THAP2: variants seen among roughly 807,000 people sequenced by gnomAD.
The protein encoded by THAP2 is THAP domain-containing protein 2.
Under a neutral mutation model 18.8 loss-of-function variants are expected in THAP2, and 16 were observed. The ratio of observed to expected loss-of-function variants is 0.85; its 90% CI spans 0.58 to 1.29. The LOEUF (loss-of-function observed/expected upper bound fraction) is 1.29, where lower values mean the gene tolerates loss of function less well. THAP2 is among the 50% of genes most tolerant of loss of function. THAP2 has a pLI of 0.00. For missense variants in THAP2, 251 were observed against 265.3 expected (o/e 0.95, Z 0.38); for synonymous variants, 80 against 89.2 (o/e 0.90, Z 0.58).
In THAP2 at chr12:71,674,352, A is replaced by G; in HGVS notation, c.221A>G (p.Asp74Gly). 6.2e-7 allele frequency: 1 copy of G among 1,612,488 alleles called. No individual in the cohort carries two copies. Among genetic ancestry groups the G allele is most frequent in the Non-Finnish European group, 8.5e-7 (1 of 1,178,846 alleles). Residue 74 changes from aspartate (D) to glycine (G), a missense_variant, in exon 2 of 3, where the codon GAT becomes GGT. Asp to Gly is a moderately conservative substitution (Grantham distance 94). Transcript: ENST00000308086. Reference sequence around the variant, plus strand: ...GGACAAACTCGACGACTTAAAATGGATGCTGTTCCAACCATTTTTGATTTT... The same window carrying G: ...GGACAAACTCGACGACTTAAAATGGGTGCTGTTCCAACCATTTTTGATTTT... Reference protein sequence around the residue: ...LTGQTRRLKMDAVPTIFDFCT... With the variant: ...LTGQTRRLKMGAVPTIFDFCT...
rs1169239825 is a variant in THAP2 at position 71,678,709 on chromosome 12, T to C, written c.*1601T>C. The C allele has an allele frequency of 2.0e-5, 3 of 152,208 alleles. No individual in the cohort carries two copies. Among genetic ancestry groups the C allele is most frequent in the African/African-American group, 4.8e-5 (2 of 41,466 alleles). The allele number at this position is 152,208 out of a possible 1,614,324, so 9.4% of individuals were successfully genotyped here. A position where few individuals can be genotyped will look rare whatever the true frequency, so the allele number is the denominator to read the frequency against. ...TTTGCTATTTAGGATTGCATTTGCT[T>C]GGCTCCTAGTAACAATTCTTTTACA... On this transcript the variant is annotated 3_prime_UTR_variant, in exon 3 of 3. Coordinates refer to ENST00000308086, the MANE Select transcript of THAP2 (RefSeq NM_031435.4).
rs1881485821 is a variant in THAP2, at chr12:71,674,199, T to TA, written c.72-2dup. 6.4e-7 allele frequency: 1 copy of TA among 1,557,626 alleles called. No individual in the cohort carries two copies. The highest frequency in any genetic ancestry group is 8.7e-7 in the Non-Finnish European group (1 of 1,155,372). On this transcript the variant is annotated splice_region_variant and splice_polypyrimidine_tract_variant and intron_variant, in intron 1 of 2. Coordinates refer to ENST00000308086, the MANE Select transcript of THAP2 (RefSeq NM_031435.4). ...AATTTGAGTTGCATTTTTTTTTTTTTAAGGTTTCCTTTGGATCCTAAAAGA... is the reference window on the plus strand; with the variant it reads ...AATTTGAGTTGCATTTTTTTTTTTTTAAAGGTTTCCTTTGGATCCTAAAAGA...
intron 1 of THAP2, among the ~76,000 whole-genome samples, chr12:71,669,489 G>A (rs537740482): frequency 1.3e-5 from 2 of 152,224 alleles, no homozygotes; most frequent in East Asian, 1.9e-4. Flanking sequence ...TACAATGATA[G>A]TACTTATTCT....
intron 1 of THAP2, chr12:71,667,940 G>C (rs1192485077): frequency 6.6e-6 from 1 of 152,050 alleles, no homozygotes; most frequent in Non-Finnish European, 1.5e-5. Flanking sequence ...GAAATTTGGG[G>C]GTTTTGGTAT....
rs181633467 is a variant in THAP2 at position 71,666,283 on chromosome 12, G to C, written c.71+1703G>C. Among the ~76,000 whole-genome samples the C allele has an allele frequency of 1.0e-3, 152 of 152,204 alleles. 1 individual carries two copies. Among genetic ancestry groups the C allele is most frequent in the African/African-American group, 3.6e-3 (150 of 41,522 alleles). ...CCAGCACTTCGAGAGGCCAGGGCGG[G>C]CTGATCACTTGAGCCCAGGAGTTTG... On this transcript the variant is annotated intron_variant, in intron 1 of 2. Coordinates refer to ENST00000308086, the MANE Select transcript of THAP2 (RefSeq NM_031435.4).
chr12:71,671,262 G>T (rs139804344), intron 1 of THAP2, among the ~76,000 whole-genome samples: 1 of 152,192 alleles, frequency 6.6e-6, no homozygotes, highest in Non-Finnish European at 1.5e-5. Flanking sequence ...TATTATAGAA[G>T]GGTCCATGTC....
At chr12:71,666,894 G>A (rs1231311793) in intron 1 of THAP2, among the ~76,000 whole-genome samples, 1 of 151,908 alleles carries the variant, frequency 6.6e-6, no homozygotes, top group African/African-American at 2.4e-5. Context: ...CCACATGCCT[G>A]GCTAATTTTT....
intron 1 of THAP2, among the ~76,000 whole-genome samples, chr12:71,671,115 G>C (rs2137579110): frequency 6.6e-6 from 1 of 152,082 alleles, no homozygotes; most frequent in Admixed American, 6.6e-5. Flanking sequence ...TGGAAGGGGA[G>C]GCAGGAAAGG....
At chr12:71,675,636 A>G (rs1881508493) in intron 2 of THAP2, among the ~76,000 whole-genome samples, 1 of 152,088 alleles carries the variant, frequency 6.6e-6, no homozygotes, top group Non-Finnish European at 1.5e-5. Context: ...GTGTTTCAAT[A>G]AATGTTTAAT....
intron 1 of THAP2, among the ~76,000 whole-genome samples, chr12:71,666,115 T>C (rs1009964293): frequency 4.6e-5 from 7 of 151,474 alleles, no homozygotes; most frequent in African/African-American, 1.7e-4. Context: ...GATATTAGAG[T>C]AGAAATGGAG....
chr12:71,665,998 C>T (rs1448477289), intron 1 of THAP2, among the ~76,000 whole-genome samples: 1 of 152,080 alleles, frequency 6.6e-6, no homozygotes, highest in African/African-American at 2.4e-5. Flanking sequence ...CAGTTGCTGG[C>T]ACAATCAGCA....
At chr12:71,671,539 T>C (rs1292033897) in intron 1 of THAP2, among the ~76,000 whole-genome samples, 2 of 152,236 alleles carry the variant, frequency 1.3e-5, no homozygotes, top group Non-Finnish European at 1.5e-5. Flanking sequence ...TGATTTCCCT[T>C]ATCAGCTCTG....
chr12:71,664,845 T>C, intron 1 of THAP2: 1 of 702,946 alleles, frequency 1.4e-6, no homozygotes, highest in Non-Finnish European at 2.6e-6. Flanking sequence ...ATCGTAATTT[T>C]CTACTGTTTT....
Position 71,674,416 on chromosome 12 carries a change from C to A in THAP2, c.267+18C>A, listed in dbSNP as rs1360085711. 1.8e-5 allele frequency: 28 copies of A among 1,546,438 alleles called. No individual in the cohort carries two copies. The highest frequency in any genetic ancestry group is 2.4e-5 in the Non-Finnish European group (27 of 1,140,912). On this transcript the variant is annotated intron_variant, in intron 2 of 2. Coordinates refer to ENST00000308086, the MANE Select transcript of THAP2 (RefSeq NM_031435.4). Reference sequence around the variant, plus strand: ...AGTCTATGGTAGGTAATGTTACTCTCCTTTTGTTAAAACCATTTTTAGAAC... The same window carrying A: ...AGTCTATGGTAGGTAATGTTACTCTACTTTTGTTAAAACCATTTTTAGAAC...
chr12:71,674,354 G>T lies in THAP2; in HGVS notation c.223G>T (p.Ala75Ser), dbSNP rs746866683. The T allele has an allele frequency of 6.2e-7, 1 of 1,612,226 alleles. No homozygotes were observed. The highest frequency in any genetic ancestry group is 1.1e-5 in the South Asian group (1 of 90,916). ...ACAAACTCGACGACTTAAAATGGAT[G>T]CTGTTCCAACCATTTTTGATTTTTG... Reference protein sequence around the residue: ...TGQTRRLKMDAVPTIFDFCTH... With the variant: ...TGQTRRLKMDSVPTIFDFCTH... Residue 75 changes from alanine to serine, a missense_variant, in exon 2 of 3, where the codon GCT becomes TCT. Ala to Ser is a moderately conservative substitution (Grantham distance 99, BLOSUM62 1). Coordinates refer to ENST00000308086, the MANE Select transcript of THAP2 (RefSeq NM_031435.4).
Position 71,674,185 on chromosome 12 carries a change from C to CA in THAP2, c.72-17dup, listed in dbSNP as rs1881485414. ...ATTATGATAGTTGGAATTTGAGTTG[C>CA]ATTTTTTTTTTTTTAAGGTTTCCTT... On this transcript the variant is annotated splice_polypyrimidine_tract_variant and intron_variant, in intron 1 of 2. Transcript: ENST00000308086. The CA allele has an allele frequency of 1.6e-6, 2 of 1,243,360 alleles. No individual in the cohort carries two copies. The highest frequency in any genetic ancestry group is 2.8e-5 in the East Asian group (1 of 36,356). The allele number at this position is 1,243,360 out of a possible 1,614,324, so 77.0% of individuals were successfully genotyped here. A position where few individuals can be genotyped will look rare whatever the true frequency, so the allele number is the denominator to read the frequency against.
intron 1 of THAP2, among the ~76,000 whole-genome samples, chr12:71,670,514 A>AC (rs970576616): frequency 2.0e-5 from 3 of 152,194 alleles, no homozygotes; most frequent in African/African-American, 7.2e-5. Context: ...TCGGAGTATG[A>AC]CTTTTGATTC....
At position 71,680,255 on chromosome 12, in the gene THAP2, C is replaced by G. The variant is rs1487345865; in HGVS notation, c.*3147C>G. ...AGAAATGTCTGTGATCTAGATAGTT[C>G]TAGATTGAACATAGATTTTCTGCCA... On this transcript the variant is annotated 3_prime_UTR_variant, in exon 3 of 3. Transcript: ENST00000308086. 6.6e-6 allele frequency: 1 copy of G among 152,180 alleles called. No individual in the cohort carries two copies. The highest frequency in any genetic ancestry group is 1.5e-5 in the Non-Finnish European group (1 of 68,006). The allele number at this position is 152,180 out of a possible 1,614,324, so 9.4% of individuals were successfully genotyped here. A position where few individuals can be genotyped will look rare whatever the true frequency, so the allele number is the denominator to read the frequency against.
At chr12:71,667,107 C>A (rs1406396685) in intron 1 of THAP2, among the ~76,000 whole-genome samples, 1 of 152,162 alleles carries the variant, frequency 6.6e-6, no homozygotes, top group East Asian at 1.9e-4. Flanking sequence ...TACCTCTTAG[C>A]CAACTCAAGT....
Sources: allele counts gnomAD v4.1 joint callset (sites outside exome capture counted in the v4.1 genomes callset), GRCh38; gene constraint gnomAD v4.1.1; transcripts MANE v1.5; gene names NCBI Gene and HGNC (gene_info 2026-07-23, HGNC 2026-07-21).